Variants in SIAH3 observed in about 807,000 individuals in gnomAD.
SIAH3 encodes the protein seven in absentia homolog 3.
SIAH3 carries 9 observed loss-of-function variants against 12.6 expected under a neutral mutation model. That is an observed-to-expected ratio of 0.72 (90% CI 0.43 to 1.25). The LOEUF is 1.25. Among genes scored for constraint, SIAH3 ranks in the 50% most tolerant of loss-of-function variants. The pLI is 0.00. For synonymous variants in SIAH3, 154 were observed against 151.1 expected, an observed-to-expected ratio of 1.02 and a Z score of -0.14; for missense variants, 390 against 365.4, an observed-to-expected ratio of 1.07 and a Z score of -0.55.
intron 1 of SIAH3, among the ~76,000 whole-genome samples, chr13:45,818,123 A>T (rs1271937936): frequency 1.3e-5 from 2 of 152,152 alleles, no homozygotes; most frequent in Non-Finnish European, 1.5e-5. Context: ...GGTATCCTAC[A>T]TCACCTCCCA....
At chr13:45,844,025 G>A (rs8001616) in intron 1 of SIAH3, among the ~76,000 whole-genome samples, 8,201 of 152,278 alleles carry the variant, frequency 0.054, 770 homozygotes, top group African/African-American at 0.19. Context: ...GAAAGGATTA[G>A]TACATTTAGG....
intron 1 of SIAH3, among the ~76,000 whole-genome samples, chr13:45,831,698 A>G (rs1178834584): frequency 1.3e-5 from 2 of 152,190 alleles, no homozygotes; most frequent in African/African-American, 4.8e-5. Context: ...ATAATGGGGT[A>G]AAGAGGAGGG....
intron 1 of SIAH3, among the ~76,000 whole-genome samples, chr13:45,807,000 T>C (rs1950600558): frequency 6.6e-6 from 1 of 152,146 alleles, no homozygotes; most frequent in South Asian, 2.1e-4. Flanking sequence ...ATCATAAAAT[T>C]TGAAGAATTC....
intron 1 of SIAH3, among the ~76,000 whole-genome samples, chr13:45,817,640 A>G (rs537734437): frequency 3.7e-3 from 27 of 7,326 alleles, no homozygotes; most frequent in South Asian, 5.0e-3. Context: ...GCAGAGAAAG[A>G]TGTGAAGGAT....
At chr13:45,791,778 T>C (rs1308675187) in intron 1 of SIAH3, among the ~76,000 whole-genome samples, 1 of 152,226 alleles carries the variant, frequency 6.6e-6, no homozygotes, top group Non-Finnish European at 1.5e-5. Flanking sequence ...AATGAATTGC[T>C]TCTCCCAATT....
At chr13:45,818,009 G>A (rs1172329628) in intron 1 of SIAH3, among the ~76,000 whole-genome samples, 3 of 152,158 alleles carry the variant, frequency 2.0e-5, no homozygotes, top group Non-Finnish European at 4.4e-5. Context: ...CCTTCCTACT[G>A]CAAGTTCCTG....
At chr13:45,785,357 G>A (rs1593374292) in intron 1 of SIAH3, among the ~76,000 whole-genome samples, 1 of 152,188 alleles carries the variant, frequency 6.6e-6, no homozygotes, top group East Asian at 1.9e-4. Flanking sequence ...GACTTCAGAT[G>A]CCTTTGGGCA....
chr13:45,805,877 G>T (rs572480967), intron 1 of SIAH3, among the ~76,000 whole-genome samples: 1 of 152,008 alleles, frequency 6.6e-6, no homozygotes, highest in Middle Eastern at 3.4e-3. Flanking sequence ...AATTCAACAA[G>T]CAAAACCAAA....
intron 1 of SIAH3, among the ~76,000 whole-genome samples, chr13:45,819,878 A>T (rs962142646): frequency 9.2e-5 from 14 of 152,296 alleles, no homozygotes; most frequent in Admixed American, 8.5e-4. Context: ...TGGGTCACTT[A>T]TAAAGAACAG....
intron 1 of SIAH3, 98 bp from the exon 2 acceptor site, chr13:45,784,155 G>T: frequency 2.7e-6 from 3 of 1,121,294 alleles, no homozygotes; most frequent in Non-Finnish European, 2.6e-6. Context: ...AGATCCTCCA[G>T]TGCAGGCTGA....
intron 1 of SIAH3, among the ~76,000 whole-genome samples, chr13:45,850,775 G>T (rs962947818): frequency 2.0e-5 from 3 of 152,066 alleles, no homozygotes; most frequent in Admixed American, 6.5e-5. Flanking sequence ...GAGCAACCCA[G>T]CACCCAGCTG....
chr13:45,825,117 A>C (rs1261229964), intron 1 of SIAH3, among the ~76,000 whole-genome samples: 1 of 152,108 alleles, frequency 6.6e-6, no homozygotes, highest in Non-Finnish European at 1.5e-5. Flanking sequence ...TTAAACATGA[A>C]GCTGGGGGAA....
intron 1 of SIAH3, among the ~76,000 whole-genome samples, chr13:45,807,950 C>T (rs2051827533): frequency 6.6e-6 from 1 of 152,062 alleles, no homozygotes; most frequent in Non-Finnish European, 1.5e-5. Context: ...TCATTACTTC[C>T]TAAATATTTT....
intron 1 of SIAH3, among the ~76,000 whole-genome samples, chr13:45,843,631 T>A (rs1950748515): frequency 6.6e-6 from 1 of 152,210 alleles, no homozygotes; most frequent in Non-Finnish European, 1.5e-5. Context: ...GTGCTTTCTT[T>A]GAAGCTAAAC....
intron 1 of SIAH3, among the ~76,000 whole-genome samples, chr13:45,850,570 C>T (rs559655684): frequency 2.0e-5 from 3 of 152,270 alleles, no homozygotes; most frequent in African/African-American, 7.2e-5. Flanking sequence ...TTCAGCTGCA[C>T]CCTCTCCCCA....
intron 1 of SIAH3, among the ~76,000 whole-genome samples, chr13:45,826,132 C>G (rs887938298): frequency 6.6e-6 from 1 of 152,130 alleles, no homozygotes; most frequent in Admixed American, 6.5e-5. Flanking sequence ...TGACTCAGTC[C>G]ATAGAAGCTT....
chr13:45,812,574 T>C (rs1023005400), intron 1 of SIAH3, among the ~76,000 whole-genome samples: 1 of 152,206 alleles, frequency 6.6e-6, no homozygotes, highest in African/African-American at 2.4e-5. Flanking sequence ...TAATGATTGC[T>C]ATCATGACAC....
rs112978128 is a variant in SIAH3 at position 45,802,395 on chromosome 13, T to G, written c.136-18338A>C. ...TCTAGTCACTGAGCTCTGGACCTAATGATGAGAGTGGGGTTAGGGGGCGAG... is the reference window on the plus strand; with the variant it reads ...TCTAGTCACTGAGCTCTGGACCTAAGGATGAGAGTGGGGTTAGGGGGCGAG... On this transcript the variant is annotated intron_variant, in intron 1 of 1. Transcript: ENST00000400405. 7.0e-3 allele frequency among the ~76,000 whole-genome samples: 1,069 copies of G among 152,168 alleles called. 8 individuals carry two copies. The highest frequency in any genetic ancestry group is 0.024 in the African/African-American group (991 of 41,512).
intron 1 of SIAH3, among the ~76,000 whole-genome samples, chr13:45,827,609 C>T (rs552870265): frequency 2.1e-4 from 32 of 152,294 alleles, no homozygotes; most frequent in African/African-American, 7.5e-4. Flanking sequence ...GAGCTGGATT[C>T]CTTTCCTCCC....
Sources: gnomAD v4.1 joint callset for allele counts (sites outside exome capture counted in the v4.1 genomes callset) on GRCh38, gnomAD v4.1.1 for gene constraint, MANE v1.5 for transcripts, NCBI Gene and HGNC (gene_info 2026-07-23, HGNC 2026-07-21) for gene names.